Variants in RGS7 observed in about 807,000 individuals in gnomAD.
The protein encoded by RGS7 is regulator of G-protein signaling 7.
A neutral mutation model predicts 81.1 loss-of-function variants in RGS7; 27 were observed. That is an observed-to-expected ratio of 0.33 (90% CI 0.25 to 0.46). The LOEUF is 0.46. Ranked by LOEUF, RGS7 falls within the 20% of genes least tolerant of loss-of-function variation. The pLI is 1.00. For missense variants in RGS7, 396 were observed against 607.4 expected (o/e 0.65, Z 3.66); for synonymous variants, 208 against 207.7 (o/e 1.00, Z -0.01).
intron 2 of RGS7, among the ~76,000 whole-genome samples, chr1:241,338,353 A>G (rs1021724856): frequency 2.0e-5 from 3 of 152,162 alleles, no homozygotes; most frequent in Admixed American, 6.6e-5. Flanking sequence ...GCCTATCTCT[A>G]CAACTTTAAG....
Position 241,111,955 on chromosome 1 carries a change from T to G in RGS7, c.79-13193A>C, listed in dbSNP as rs183987120. ...CATTTCAGAGTATCATGTAGGTGATTCTTCTCTCAATTCTTTCAAGGCTGG... is the reference window on the plus strand; with the variant it reads ...CATTTCAGAGTATCATGTAGGTGATGCTTCTCTCAATTCTTTCAAGGCTGG... On this transcript the variant is annotated intron_variant, in intron 2 of 18. Coordinates refer to ENST00000440928, the MANE Select transcript of RGS7 (RefSeq NM_001364886.1). 2.8e-4 allele frequency among the ~76,000 whole-genome samples: 43 copies of G among 152,320 alleles called. No homozygotes were observed. The East Asian group carries it at 5.6e-3, about 20-fold the overall frequency.
chr1:241,169,501 C>T (rs1364224252), intron 2 of RGS7, among the ~76,000 whole-genome samples: 1 of 151,788 alleles, frequency 6.6e-6, no homozygotes, highest in African/African-American at 2.4e-5. Context: ...CACCACCACA[C>T]CCGGCTAATT....
At chr1:241,007,370 T>C (rs2058730456) in intron 3 of RGS7, among the ~76,000 whole-genome samples, 1 of 152,208 alleles carries the variant, frequency 6.6e-6, no homozygotes, top group South Asian at 2.1e-4. Flanking sequence ...GGGCATAATA[T>C]ATATAATGTA....
chr1:240,949,859 A>AAG (rs1679264629), intron 4 of RGS7, among the ~76,000 whole-genome samples: 1 of 151,330 alleles, frequency 6.6e-6, no homozygotes, highest in East Asian at 1.9e-4. Flanking sequence ...AAAAAAAAAA[A>AAG]AAAAAAAAGC....
At chr1:240,781,589 G>A (rs888490627) in intron 18 of RGS7, among the ~76,000 whole-genome samples, 9 of 152,184 alleles carry the variant, frequency 5.9e-5, no homozygotes, top group Admixed American at 2.0e-4. Context: ...CTGGGTGACA[G>A]AGCGAGACTC....
At chr1:241,061,656 CGAG>C (rs1282971287) in intron 3 of RGS7, among the ~76,000 whole-genome samples, 2 of 151,954 alleles carry the variant, frequency 1.3e-5, no homozygotes, top group South Asian at 2.1e-4. Flanking sequence ...AGGGAACAGG[CGAG>C]GAGAAGGCAG....
intron 2 of RGS7, among the ~76,000 whole-genome samples, chr1:241,160,854 G>A (rs908624312): frequency 1.3e-5 from 2 of 152,022 alleles, no homozygotes; most frequent in African/African-American, 2.4e-5. Flanking sequence ...AAACCATCCC[G>A]GCCTTGTCAT....
intron 2 of RGS7, among the ~76,000 whole-genome samples, chr1:241,273,175 AC>A (rs56000973): frequency 0.23 from 23,722 of 105,092 alleles, 2,537 homozygotes; most frequent in African/African-American, 0.26. Context: ...ATAATAATGA[AC>A]CCCCCCCCCC....
intron 2 of RGS7, among the ~76,000 whole-genome samples, chr1:241,123,562 C>T (rs1361968046): frequency 1.3e-5 from 2 of 152,128 alleles, no homozygotes; most frequent in African/African-American, 2.4e-5. Flanking sequence ...ACCAGCCTGA[C>T]CAACATGGAG....
At chr1:241,191,571 C>T (rs2072657061) in intron 2 of RGS7, among the ~76,000 whole-genome samples, 1 of 151,996 alleles carries the variant, frequency 6.6e-6, no homozygotes, top group Admixed American at 6.6e-5. Flanking sequence ...CTTTAGTTTC[C>T]TTTTTTGAAC....
At chr1:241,074,177 C>A (rs1351739941) in intron 3 of RGS7, among the ~76,000 whole-genome samples, 1 of 152,192 alleles carries the variant, frequency 6.6e-6, no homozygotes, top group Admixed American at 6.5e-5. Flanking sequence ...GGATTACAGG[C>A]TTGAGCCATC....
At chr1:241,337,245 C>T (rs990435070) in intron 2 of RGS7, among the ~76,000 whole-genome samples, 2 of 152,132 alleles carry the variant, frequency 1.3e-5, no homozygotes, top group African/African-American at 4.8e-5. Context: ...ATTGTTCATG[C>T]CTCTTGTCCT....
chr1:241,078,679 A>T (rs1368841307), intron 3 of RGS7, among the ~76,000 whole-genome samples: 2 of 152,108 alleles, frequency 1.3e-5, no homozygotes, highest in African/African-American at 4.8e-5. Context: ...GGACCAAGTT[A>T]TTTAACTTCT....
intron 2 of RGS7, among the ~76,000 whole-genome samples, chr1:241,313,699 G>A (rs1558306174): frequency 1.3e-5 from 2 of 152,162 alleles, no homozygotes; most frequent in East Asian, 3.8e-4. Flanking sequence ...ATCTATCCAT[G>A]TAGATAGTGA....
intron 2 of RGS7, among the ~76,000 whole-genome samples, chr1:241,213,696 G>C (rs913573114): frequency 6.6e-6 from 1 of 152,176 alleles, no homozygotes; most frequent in Non-Finnish European, 1.5e-5. Context: ...CTTCTACCTA[G>C]ATTATAAACT....
At position 241,053,833 on chromosome 1, in the gene RGS7, G is replaced by C. The variant is rs954749656; in HGVS notation, c.175+44833C>G. ...CACAAGATCTGATGATTTTAAAAGG[G>C]GTTTTCTTTTTGCTTCGTTCTCATT... On this transcript the variant is annotated intron_variant, in intron 3 of 18. Transcript: ENST00000440928. Among the ~76,000 whole-genome samples, 12 of 152,078 alleles carry C rather than the reference G, an allele frequency of 7.9e-5. 1 individual carries two copies. The highest frequency in any genetic ancestry group is 6.5e-4 in the Admixed American group (10 of 15,268).
intron 2 of RGS7, among the ~76,000 whole-genome samples, chr1:241,257,832 G>T (rs955956029): frequency 2.6e-5 from 4 of 152,144 alleles, no homozygotes; most frequent in Admixed American, 2.6e-4. Context: ...GTGTTTGCTA[G>T]AATTAGAATT....
At chr1:241,253,570 T>C (rs2076927834) in intron 2 of RGS7, among the ~76,000 whole-genome samples, 1 of 152,150 alleles carries the variant, frequency 6.6e-6, no homozygotes, top group African/African-American at 2.4e-5. Context: ...ATGAAATAGC[T>C]CTCCCTCTGA....
chr1:240,936,731 A>C (rs778961664), intron 4 of RGS7, 25 bp from the exon 5 acceptor site: 23 of 1,557,648 alleles, frequency 1.5e-5, no homozygotes, highest in Non-Finnish European at 1.9e-5. Flanking sequence ...CAAACAAAGA[A>C]CATAAAAAAG....
Sources: gnomAD v4.1 joint callset for allele counts (sites outside exome capture counted in the v4.1 genomes callset) on GRCh38, gnomAD v4.1.1 for gene constraint, MANE v1.5 for transcripts, NCBI Gene and HGNC (gene_info 2026-07-23, HGNC 2026-07-21) for gene names.